Variants in SIPA1L2 observed in about 807,000 individuals in gnomAD.
SIPA1L2 encodes signal induced proliferation associated 1 like 2.
Under a neutral mutation model 163.9 loss-of-function variants are expected in SIPA1L2, and 56 were observed. That is an observed-to-expected ratio of 0.34 (90% CI 0.28 to 0.43). The LOEUF (loss-of-function observed/expected upper bound fraction) is 0.43, where lower values mean the gene tolerates loss of function less well. SIPA1L2 is among the 20% of genes least tolerant of loss of function. The pLI, the probability that SIPA1L2 is intolerant of heterozygous loss-of-function variation, is 1.00. For missense variants in SIPA1L2, 1,974 were observed against 2,193.5 expected, an observed-to-expected ratio of 0.90 and a Z score of 2.00; for synonymous variants, 877 against 865.7, an observed-to-expected ratio of 1.01 and a Z score of -0.23.
intron 3 of SIPA1L2, among the ~76,000 whole-genome samples, chr1:232,495,537 C>A (rs1293852711): frequency 6.7e-6 from 1 of 148,174 alleles, no homozygotes; most frequent in Non-Finnish European, 1.5e-5. Flanking sequence ...TGCACTCCAG[C>A]CTGGGTGACA....
chr1:232,526,173 G>T (rs1325529491), intron 2 of SIPA1L2, among the ~76,000 whole-genome samples: 1 of 152,132 alleles, frequency 6.6e-6, no homozygotes. Flanking sequence ...AATACTGAAC[G>T]CCAGTTAAAG....
rs775621525 is a variant in SIPA1L2, at chr1:232,460,837, C to G, written c.3095+50G>C. 3.2e-6 allele frequency: 5 copies of G among 1,581,040 alleles called. No homozygotes were observed. In the African/African-American group the frequency reaches 6.7e-5, roughly 21 times the overall value. ...CAGGAGCACTGAGGACAGCCACCTGCTACAGAGGCAAAGGAGGAGTGAGCA... is the reference window on the plus strand; with the variant it reads ...CAGGAGCACTGAGGACAGCCACCTGGTACAGAGGCAAAGGAGGAGTGAGCA... On this transcript the variant is annotated intron_variant, in intron 10 of 22. Coordinates refer to ENST00000674635, the MANE Select transcript of SIPA1L2 (RefSeq NM_020808.5).
At chr1:232,618,927 AG>A (rs1380216950) in intron 1 of SIPA1L2, among the ~76,000 whole-genome samples, 1 of 152,206 alleles carries the variant, frequency 6.6e-6, no homozygotes, top group Admixed American at 6.5e-5. Context: ...AATTACAGTG[AG>A]GAAAAAAAAC....
chr1:232,431,127 A>C (rs1335110099), intron 16 of SIPA1L2, among the ~76,000 whole-genome samples: 1 of 152,198 alleles, frequency 6.6e-6, no homozygotes, highest in Non-Finnish European at 1.5e-5. Context: ...TACTACGGCG[A>C]CATATAAAAT....
chr1:232,629,559 G>C (rs561089238), intron 1 of SIPA1L2, among the ~76,000 whole-genome samples: 1 of 152,318 alleles, frequency 6.6e-6, no homozygotes, highest in Admixed American at 6.5e-5. Flanking sequence ...TGGGCACCTG[G>C]AGAAGACCCT....
intron 10 of SIPA1L2, among the ~76,000 whole-genome samples, 173 bp downstream of exon 10, chr1:232,460,714 T>C (rs1664187514): frequency 6.6e-6 from 1 of 152,238 alleles, no homozygotes; most frequent in African/African-American, 2.4e-5. Flanking sequence ...TCCTTTTCAA[T>C]TCCTCGAACG....
chr1:232,613,944 AC>A (rs1662377589), intron 1 of SIPA1L2, among the ~76,000 whole-genome samples: 1 of 152,152 alleles, frequency 6.6e-6, no homozygotes, highest in Non-Finnish European at 1.5e-5. Context: ...ATAACAGAAC[AC>A]TTAGCAGGAG....
intron 18 of SIPA1L2, among the ~76,000 whole-genome samples, chr1:232,422,871 G>C (rs969092470): frequency 6.6e-6 from 1 of 152,178 alleles, no homozygotes; most frequent in African/African-American, 2.4e-5. Flanking sequence ...TATTCTTAAA[G>C]AGTGGTATCT....
At chr1:232,588,839 AG>A (rs1329100053) in intron 1 of SIPA1L2, among the ~76,000 whole-genome samples, 1 of 152,216 alleles carries the variant, frequency 6.6e-6, no homozygotes, top group Non-Finnish European at 1.5e-5. Flanking sequence ...TAAGTGTCTT[AG>A]TTTTGGAAAA....
Position 232,428,398 on chromosome 1 carries a change from C to T in SIPA1L2, c.4410+13G>A, listed in dbSNP as rs777969494. On this transcript the variant is annotated intron_variant, in intron 17 of 22. Coordinates refer to ENST00000674635, the MANE Select transcript of SIPA1L2 (RefSeq NM_020808.5). ...GTGTTTCTGGTAACTTCAAAGCTCC[C>T]TAAGTCACTAACCTTTCTTCGCCCC... 16 of 1,444,004 alleles carry T rather than the reference C, an allele frequency of 1.1e-5. No individual in the cohort carries two copies. Among genetic ancestry groups the T allele is most frequent in the Non-Finnish European group, 1.5e-5 (16 of 1,093,346 alleles). The allele number at this position is 1,444,004 out of a possible 1,614,324, so 89.4% of individuals were successfully genotyped here.
At chr1:232,615,059 C>T (rs1662430451) in intron 1 of SIPA1L2, among the ~76,000 whole-genome samples, 1 of 152,140 alleles carries the variant, frequency 6.6e-6, no homozygotes, top group Non-Finnish European at 1.5e-5. Flanking sequence ...TATGAGGTGA[C>T]CCTCTGGAAA....
At chr1:232,541,282 A>ATAACG (rs1558255683) in intron 2 of SIPA1L2, among the ~76,000 whole-genome samples, 3 of 151,206 alleles carry the variant, frequency 2.0e-5, no homozygotes, top group African/African-American at 7.4e-5. Flanking sequence ...ATAACATAAC[A>ATAACG]TAACATAACA....
chr1:232,561,370 C>T (rs184682429), intron 2 of SIPA1L2: 1 of 152,330 alleles, frequency 6.6e-6, no homozygotes, highest in Admixed American at 6.5e-5. Context: ...ACATTTTGGA[C>T]ATTCTCATGC....
intron 2 of SIPA1L2, among the ~76,000 whole-genome samples, chr1:232,528,249 G>A (rs1045047635): frequency 1.3e-5 from 2 of 151,682 alleles, no homozygotes; most frequent in Admixed American, 6.6e-5. Flanking sequence ...AAAAATCTCC[G>A]AAGAGACAAG....
At chr1:232,468,681 A>G (rs1379406790) in intron 8 of SIPA1L2, among the ~76,000 whole-genome samples, 2 of 152,212 alleles carry the variant, frequency 1.3e-5, no homozygotes, top group Non-Finnish European at 2.9e-5. Context: ...AAGATGTTAC[A>G]TATTAGATTT....
At chr1:232,578,032 T>C (rs748360230) in intron 1 of SIPA1L2, among the ~76,000 whole-genome samples, 3 of 152,120 alleles carry the variant, frequency 2.0e-5, no homozygotes, top group Non-Finnish European at 4.4e-5. Context: ...GAAATTGCCA[T>C]ACCCAGCCCA....
At chr1:232,409,266 C>T (rs1225475326) in intron 19 of SIPA1L2, among the ~76,000 whole-genome samples, 1 of 152,142 alleles carries the variant, frequency 6.6e-6, no homozygotes, top group Non-Finnish European at 1.5e-5. Flanking sequence ...AGCTTTCTAT[C>T]CATTTCTAGT....
In SIPA1L2 at chr1:232,439,477, G is replaced by A; in HGVS notation, c.3662C>T (p.Ser1221Phe). ...KLSHIGDKSC[S>F]SHSSSNTLSS... ...GAGCGTGTTGCTGCTGGAGTGACTG[G>A]AGCAACTTTTATCCCCAATCTTCAG... Residue 1221 changes from serine (S) to phenylalanine (F), a missense_variant, in exon 15 of 23, where the codon TCC (serine) becomes TTC (phenylalanine). Coordinates refer to ENST00000674635, the MANE Select transcript of SIPA1L2 (RefSeq NM_020808.5). 6.2e-7 allele frequency: 1 copy of A among 1,612,716 alleles called. No homozygotes were observed. The highest frequency in any genetic ancestry group is 8.5e-7 in the Non-Finnish European group (1 of 1,178,894).
chr1:232,564,858 A>G (rs1301166357), intron 2 of SIPA1L2, among the ~76,000 whole-genome samples: 3 of 152,078 alleles, frequency 2.0e-5, no homozygotes, highest in Non-Finnish European at 4.4e-5. Context: ...ACGAGAACAC[A>G]TGGACATAGG....
Sources: gnomAD v4.1 joint callset for allele counts (sites outside exome capture counted in the v4.1 genomes callset) on GRCh38, gnomAD v4.1.1 for gene constraint, MANE v1.5 for transcripts, NCBI Gene and HGNC (gene_info 2026-07-23, HGNC 2026-07-21) for gene names.